The following CRHR1 variants were observed in gnomAD, a reference collection of about 807,000 sequenced individuals.
CRHR1 encodes the protein corticotropin releasing hormone receptor 1, also known as corticotropin-releasing hormone receptor 1.
CRHR1 carries 28 observed loss-of-function variants against 56.0 expected under a neutral mutation model. That is an observed-to-expected ratio of 0.50 (90% CI 0.37 to 0.69). CRHR1 has a LOEUF of 0.69. Among genes scored for constraint, CRHR1 ranks in the 30% least tolerant of loss-of-function variants. The pLI, the probability that CRHR1 is intolerant of heterozygous loss-of-function variation, is 0.00. For synonymous variants in CRHR1, 195 were observed against 216.5 expected (o/e 0.90, Z 0.87); for missense variants, 376 against 548.0 (o/e 0.69, Z 3.13).
At chr17:45,788,121 T>G (rs1240916001) in intron 1 of CRHR1, among the ~76,000 whole-genome samples, 1 of 152,214 alleles carries the variant, frequency 6.6e-6, no homozygotes, top group Non-Finnish European at 1.5e-5. Context: ...ATAAGGAGTT[T>G]GGGGGTCAAG....
intron 4 of CRHR1, among the ~76,000 whole-genome samples, chr17:45,823,771 AC>A (rs1350863478): frequency 6.6e-6 from 1 of 152,050 alleles, no homozygotes. Flanking sequence ...GGTTAGCCCC[AC>A]CCCTGGCTTC....
At position 45,821,374 on chromosome 17, in the gene CRHR1, CCTGGCCAATGGCAG is replaced by C; in HGVS notation, c.266_279del (p.Ala89GlyfsTer15). 6.2e-7 allele frequency: 1 copy of C among 1,613,492 alleles called. No homozygotes were observed. The highest frequency in any genetic ancestry group is 8.5e-7 in the Non-Finnish European group (1 of 1,180,024). On this transcript the variant is annotated frameshift_variant, in exon 4 of 13. Coordinates refer to ENST00000314537, the MANE Select transcript of CRHR1 (RefSeq NM_004382.5). LOFTEE classifies it high-confidence loss of function. Reference sequence around the variant, plus strand: ...TTCCAGACAATGGCTACCGGGAGTGCCTGGCCAATGGCAGCTGGGCCGCCCGCGTGAATTACTCC... The same window carrying C: ...TTCCAGACAATGGCTACCGGGAGTGCCTGGGCCGCCCGCGTGAATTACTCC...
At chr17:45,789,907 G>T (rs772421281) in intron 1 of CRHR1, among the ~76,000 whole-genome samples, 1 of 152,236 alleles carries the variant, frequency 6.6e-6, no homozygotes, top group Non-Finnish European at 1.5e-5. Context: ...ACCATGAGAT[G>T]CCAGGTGTGA....
At chr17:45,797,283 C>CTTTTTTTTTTTTTTT (rs899983592) in intron 1 of CRHR1, among the ~76,000 whole-genome samples, 128 of 94,924 alleles carry the variant, frequency 1.3e-3, no homozygotes, top group African/African-American at 2.4e-3. Flanking sequence ...TTCTTTCTTT[C>CTTTTTTTTTTTTTTT]TTTTTTTTTT....
At chr17:45,792,149 TG>T (rs925672433) in intron 1 of CRHR1, among the ~76,000 whole-genome samples, 7 of 152,264 alleles carry the variant, frequency 4.6e-5, no homozygotes, top group African/African-American at 1.7e-4. Context: ...CGTGCCTGGC[TG>T]GGAGCCCGAG....
rs1360918706 is a variant in CRHR1, at chr17:45,794,765, G to T, written c.33+10188G>T. On this transcript the variant is annotated intron_variant, in intron 1 of 12. Coordinates refer to ENST00000314537, the MANE Select transcript of CRHR1 (RefSeq NM_004382.5). ...CCTTGCTCTGTGTGGGTTCCCCAAA[G>T]CTCACAGGACTTAGCCCCATGCTGT... Among the ~76,000 whole-genome samples the T allele has an allele frequency of 2.0e-5, 3 of 152,212 alleles. No individual in the cohort carries two copies. The South Asian group carries it at 6.2e-4, about 32-fold the overall frequency.
At chr17:45,786,636 C>CTTTTT (rs34895436) in intron 1 of CRHR1, among the ~76,000 whole-genome samples, 1 of 108,398 alleles carries the variant, frequency 9.2e-6, no homozygotes, top group African/African-American at 3.5e-5. Context: ...AGAAAATATC[C>CTTTTT]TTTTTTTTTT....
At chr17:45,819,559 C>G (rs1458202172) in intron 3 of CRHR1, among the ~76,000 whole-genome samples, 2 of 152,032 alleles carry the variant, frequency 1.3e-5, no homozygotes, top group Non-Finnish European at 2.9e-5. Context: ...GGCAGAGACA[C>G]TGGGTTCTCC....
intron 1 of CRHR1, among the ~76,000 whole-genome samples, chr17:45,797,481 G>A (rs1287969279): frequency 2.6e-5 from 4 of 151,626 alleles, no homozygotes; most frequent in African/African-American, 7.3e-5. Flanking sequence ...TAGTAGAGAC[G>A]GGGTTTCACT....
intron 8 of CRHR1, among the ~76,000 whole-genome samples, chr17:45,832,396 C>T (rs186926740): frequency 1.6e-4 from 25 of 152,306 alleles, no homozygotes; most frequent in Non-Finnish European, 3.1e-4. Flanking sequence ...GAGGACTGGA[C>T]CCGGCCCTCA....
intron 2 of CRHR1, among the ~76,000 whole-genome samples, chr17:45,811,310 C>A (rs941322925): frequency 3.3e-5 from 5 of 152,246 alleles, no homozygotes; most frequent in Non-Finnish European, 5.9e-5. Context: ...GGACCCTGAC[C>A]CCGCAGGGTT....
chr17:45,811,628 G>A (rs1406079636), intron 2 of CRHR1, among the ~76,000 whole-genome samples: 7 of 152,250 alleles, frequency 4.6e-5, no homozygotes, highest in Middle Eastern at 3.4e-3. Flanking sequence ...AGAGTGATAG[G>A]AACGTTGACA....
chr17:45,833,625 C>G, intron 10 of CRHR1, 88 bp downstream of exon 10: 2 of 1,595,402 alleles, frequency 1.3e-6, no homozygotes, highest in Non-Finnish European at 1.7e-6. Flanking sequence ...GCCACTCCCT[C>G]CCCCGACCTG....
At chr17:45,828,357 C>G (rs888029511) in intron 4 of CRHR1, among the ~76,000 whole-genome samples, 1 of 152,240 alleles carries the variant, frequency 6.6e-6, no homozygotes, top group African/African-American at 2.4e-5. Flanking sequence ...AACCTCTGTG[C>G]TGTTTTCCTA....
At chr17:45,827,838 G>C (rs979067096) in intron 4 of CRHR1, 1 of 152,302 alleles carries the variant, frequency 6.6e-6, no homozygotes, top group African/African-American at 2.4e-5. Flanking sequence ...TTGATCTCTG[G>C]TTTCAAGTGG....
At chr17:45,821,985 G>A (rs574787922) in intron 4 of CRHR1, among the ~76,000 whole-genome samples, 3 of 143,700 alleles carry the variant, frequency 2.1e-5, no homozygotes, top group Non-Finnish European at 3.1e-5. Context: ...CTCCCACCCC[G>A]TCCCCAGCCA....
chr17:45,799,575 C>T (rs892331392), intron 1 of CRHR1: 2 of 152,282 alleles, frequency 1.3e-5, no homozygotes, highest in Admixed American at 6.5e-5. Context: ...GCCTGCAGGA[C>T]CCCAGGACCC....
chr17:45,801,078 G>A (rs545328156), intron 1 of CRHR1, among the ~76,000 whole-genome samples: 1 of 152,306 alleles, frequency 6.6e-6, no homozygotes, highest in African/African-American at 2.4e-5. Flanking sequence ...AATTGGGATG[G>A]CAGCTTCATT....
intron 7 of CRHR1, 41 bp downstream of exon 7, chr17:45,830,611 C>T: frequency 6.4e-7 from 1 of 1,566,620 alleles, no homozygotes; most frequent in African/African-American, 1.3e-5. Context: ...GCAGTGGCGG[C>T]CGCCGGGCTG....
Sources: gnomAD v4.1 joint callset for allele counts (sites outside exome capture counted in the v4.1 genomes callset) on GRCh38, gnomAD v4.1.1 for gene constraint, MANE v1.5 for transcripts, NCBI Gene and HGNC (gene_info 2026-07-23, HGNC 2026-07-21) for gene names.